NCAPD3: variants seen among roughly 807,000 people sequenced by gnomAD.
The protein encoded by NCAPD3 is non-SMC condensin II complex subunit D3.
Under a neutral mutation model 182.9 loss-of-function variants are expected in NCAPD3, and 105 were observed. That is an observed-to-expected ratio of 0.57 (90% CI 0.49 to 0.68). The LOEUF is 0.68. Ranked by LOEUF, NCAPD3 falls within the 30% of genes least tolerant of loss-of-function variation. The pLI is 0.00. For synonymous variants in NCAPD3, 815 were observed against 679.9 expected (o/e 1.20, Z -3.09); for missense variants, 1,944 against 1,837.0 (o/e 1.06, Z -1.07).
At chr11:134,180,267 G>A (rs574064407) in intron 20 of NCAPD3, among the ~76,000 whole-genome samples, 6 of 152,144 alleles carry the variant, frequency 3.9e-5, no homozygotes, top group South Asian at 2.1e-4. Context: ...AAGCTTGGTC[G>A]GTGATCACTG....
At chr11:134,209,100 G>A (rs780390043) in intron 6 of NCAPD3, 45 bp downstream of exon 6, 1 of 1,581,376 alleles carries the variant, frequency 6.3e-7, no homozygotes, top group South Asian at 1.1e-5. Flanking sequence ...GCAAAAATTG[G>A]TACACTATAC....
At chr11:134,154,673 G>A (rs529973862) in intron 32 of NCAPD3, among the ~76,000 whole-genome samples, 3 of 152,070 alleles carry the variant, frequency 2.0e-5, no homozygotes, top group East Asian at 1.9e-4. Flanking sequence ...GCACACTCCC[G>A]GGAACAGCAC....
chr11:134,172,179 T>C (rs1175749471), intron 24 of NCAPD3, among the ~76,000 whole-genome samples: 1 of 152,208 alleles, frequency 6.6e-6, no homozygotes, highest in Non-Finnish European at 1.5e-5. Flanking sequence ...ATCTGCCTCT[T>C]GCGCTCTCTG....
At chr11:134,182,183 T>C (rs1039373896) in intron 19 of NCAPD3, among the ~76,000 whole-genome samples, 3 of 152,182 alleles carry the variant, frequency 2.0e-5, no homozygotes, top group Non-Finnish European at 4.4e-5. Context: ...TCACAGAATC[T>C]GGGAAAGCTG....
At chr11:134,176,422 T>A in intron 23 of NCAPD3, 36 bp from the exon 24 acceptor site, 1 of 1,576,304 alleles carries the variant, frequency 6.3e-7, no homozygotes, top group Non-Finnish European at 8.7e-7. Context: ...TCAGAGTGCG[T>A]CATCATGGGC....
chr11:134,192,195 G>C (rs776587042), intron 16 of NCAPD3, among the ~76,000 whole-genome samples: 1 of 152,118 alleles, frequency 6.6e-6, no homozygotes, highest in South Asian at 2.1e-4. Context: ...TCTTTCTACC[G>C]CATGATGATT....
intron 29 of NCAPD3, among the ~76,000 whole-genome samples, chr11:134,159,327 A>C (rs1943514227): frequency 6.6e-6 from 1 of 152,244 alleles, no homozygotes. Flanking sequence ...ATTGGAATAG[A>C]ATCTTCACGT....
chr11:134,202,541 C>A (rs183906284), intron 13 of NCAPD3, among the ~76,000 whole-genome samples: 26 of 152,096 alleles, frequency 1.7e-4, no homozygotes, highest in Non-Finnish European at 3.4e-4. Context: ...CCACGCCCAG[C>A]TGATTTTTAT....
At chr11:134,187,400 G>C (rs1176312212) in intron 16 of NCAPD3, among the ~76,000 whole-genome samples, 2 of 152,172 alleles carry the variant, frequency 1.3e-5, no homozygotes, top group Non-Finnish European at 2.9e-5. Flanking sequence ...TCCCAACTGA[G>C]GTGTGACAAA....
intron 16 of NCAPD3, among the ~76,000 whole-genome samples, chr11:134,187,106 G>A (rs772613394): frequency 4.1e-4 from 62 of 152,110 alleles, no homozygotes; most frequent in Non-Finnish European, 7.8e-4. Context: ...TCCCAGCCCA[G>A]CTGAGGGCCA....
intron 22 of NCAPD3, chr11:134,178,402 C>T: frequency 2.7e-6 from 1 of 367,050 alleles, no homozygotes. Flanking sequence ...CCCTCTAGAC[C>T]CTCTAGAGAG....
rs577586406 is a variant in NCAPD3, at chr11:134,168,184, C to T, written c.3385G>A (p.Asp1129Asn). 20 of 1,613,702 alleles carry T rather than the reference C, an allele frequency of 1.2e-5. No homozygotes were observed. The highest frequency in any genetic ancestry group is 1.7e-5 in the Admixed American group (1 of 59,990). ...ICLSILACFA[D>N]GILPLDLDAS... ...TCCAGGTCCAGGGGTAGGATGCCAT[C>T]AGCAAAGCACGCTGAGAGACAGAGA... Residue 1129 changes from aspartate to asparagine, a missense_variant, in exon 27 of 35, where the codon GAT becomes AAT. Asp to Asn is a conservative substitution (Grantham distance 23). Transcript: ENST00000534548.
Position 134,209,370 on chromosome 11 carries a change from C to T in NCAPD3, c.675G>A (p.Arg225=), listed in dbSNP as rs768566052. ...CTTTCAAGGAAAACTTTGGCAGAAG[C>T]CTTAAAAAATTCTTTAAAAGGTGAA... The part of the protein sequence containing the change: ...AIFHLLKNFL[R]LLPKFSLKEK... Residue 225 remains arginine (R), a synonymous_variant, in exon 5 of 35, where the codon AGG becomes AGA. Transcript: ENST00000534548. 3.1e-6 allele frequency: 5 copies of T among 1,614,062 alleles called. 1 individual carries two copies. The South Asian group carries it at 4.4e-5, about 14-fold the overall frequency.
intron 7 of NCAPD3, among the ~76,000 whole-genome samples, chr11:134,207,813 C>T (rs1001750011): frequency 4.0e-5 from 6 of 150,686 alleles, no homozygotes; most frequent in African/African-American, 9.8e-5. Context: ...ATTTTCCCAC[C>T]TATGTTATTG....
intron 15 of NCAPD3, among the ~76,000 whole-genome samples, chr11:134,193,596 T>C (rs1944566608): frequency 6.6e-6 from 1 of 151,988 alleles, no homozygotes; most frequent in African/African-American, 2.4e-5. Flanking sequence ...CTACTAAAAA[T>C]ACAAAAATTA....
rs192163690 is a variant in NCAPD3 at position 134,194,004 on chromosome 11, C to T, written c.1824+12G>A. 5.0e-4 allele frequency: 799 copies of T among 1,607,742 alleles called. 1 individual carries two copies. The highest frequency in any genetic ancestry group is 6.7e-4 in the Middle Eastern group (4 of 6,010). Reference sequence around the variant, plus strand: ...ATACCATGCATTACATATATAATGTCCTGCCTCTCACCATAAGGAGTTCAG... The same window carrying T: ...ATACCATGCATTACATATATAATGTTCTGCCTCTCACCATAAGGAGTTCAG... On this transcript the variant is annotated intron_variant, in intron 15 of 34. Transcript: ENST00000534548.
chr11:134,186,700 G>A (rs1281604494), intron 16 of NCAPD3, among the ~76,000 whole-genome samples: 3 of 152,094 alleles, frequency 2.0e-5, no homozygotes, highest in Non-Finnish European at 2.9e-5. Context: ...GCGAACATCA[G>A]GAATTCCTCA....
chr11:134,178,095 A>G (rs1168180226), intron 22 of NCAPD3: 1 of 152,338 alleles, frequency 6.6e-6, no homozygotes, highest in African/African-American at 2.4e-5. Context: ...TACAATTTCC[A>G]GCACAGAGGT....
At chr11:134,165,988 TA>T (rs1943778314) in intron 27 of NCAPD3, among the ~76,000 whole-genome samples, 1 of 98,914 alleles carries the variant, frequency 1.0e-5, no homozygotes, top group South Asian at 4.3e-4. Context: ...GAGATGAGCT[TA>T]GGGAGAGCAG....
Sources: gnomAD v4.1 joint callset for allele counts (sites outside exome capture counted in the v4.1 genomes callset) on GRCh38, gnomAD v4.1.1 for gene constraint, MANE v1.5 for transcripts, NCBI Gene and HGNC (gene_info 2026-07-23, HGNC 2026-07-21) for gene names.